Variants in CPEB1 observed in about 807,000 individuals in gnomAD.
The protein encoded by CPEB1 is cytoplasmic polyadenylation element-binding protein 1.
In CPEB1, 7 loss-of-function variants were observed where a neutral mutation model predicts 65.8. The observed-to-expected ratio is 0.11, with a 90% CI of 0.06 to 0.20. The LOEUF (loss-of-function observed/expected upper bound fraction) is 0.20, where lower values mean the gene tolerates loss of function less well. Ranked by LOEUF, CPEB1 falls within the 10% of genes least tolerant of loss-of-function variation. The pLI, the probability that CPEB1 is intolerant of heterozygous loss-of-function variation, is 1.00. For synonymous variants in CPEB1, 262 were observed against 260.0 expected (o/e 1.01, Z -0.08); for missense variants, 551 against 712.2 (o/e 0.77, Z 2.58).
chr15:82,598,368 C>A (rs1421681524), intron 3 of CPEB1, among the ~76,000 whole-genome samples: 1 of 151,994 alleles, frequency 6.6e-6, no homozygotes, highest in Non-Finnish European at 1.5e-5. Flanking sequence ...GTGGCGCACA[C>A]CTGTAATCCC....
chr15:82,573,234 A>T, intron 3 of CPEB1: 5 of 1,152,910 alleles, frequency 4.3e-6, no homozygotes, highest in Non-Finnish European at 5.7e-6. Flanking sequence ...TCCTTTGGAG[A>T]TTTTTTTTTT....
chr15:82,642,982 T>C (rs1266034089), intron 1 of CPEB1, among the ~76,000 whole-genome samples: 3 of 152,046 alleles, frequency 2.0e-5, no homozygotes, highest in African/African-American at 4.8e-5. Context: ...CTTTAGAAAA[T>C]AATCATTTAG....
intron 3 of CPEB1, among the ~76,000 whole-genome samples, chr15:82,617,976 G>A (rs938101992): frequency 6.0e-5 from 9 of 151,246 alleles, no homozygotes; most frequent in Admixed American, 2.0e-4. Context: ...CTCGTGATCC[G>A]CCCGCCTCGG....
At chr15:82,553,808 C>G in intron 7 of CPEB1, 70 bp downstream of exon 7, 1 of 1,152,748 alleles carries the variant, frequency 8.7e-7, no homozygotes, top group African/African-American at 1.5e-5. Context: ...GGCCTCAATT[C>G]CAAGTTTCAT....
At position 82,580,768 on chromosome 15, in the gene CPEB1, A is replaced by G. The variant is rs142746809; in HGVS notation, c.272-9236T>C. On this transcript the variant is annotated intron_variant, in intron 3 of 12. Transcript: ENST00000684509. Reference sequence around the variant, plus strand: ...GGGACCTTGTAAGTGGAATTATACAATATTTTTCCTTTGTATCAGGCTTAT... The same window carrying G: ...GGGACCTTGTAAGTGGAATTATACAGTATTTTTCCTTTGTATCAGGCTTAT... Among the ~76,000 whole-genome samples, 1,010 of 151,840 alleles carry G rather than the reference A, an allele frequency of 6.7e-3. 10 individuals are homozygous for G. The highest frequency in any genetic ancestry group is 0.023 in the African/African-American group (942 of 41,378).
At chr15:82,613,180 A>T (rs2044344365) in intron 3 of CPEB1, among the ~76,000 whole-genome samples, 1 of 152,248 alleles carries the variant, frequency 6.6e-6, no homozygotes, top group South Asian at 2.1e-4. Flanking sequence ...TACAAATGAA[A>T]TCCAAACAAT....
At chr15:82,601,631 T>C (rs2043127031) in intron 3 of CPEB1, among the ~76,000 whole-genome samples, 1 of 152,206 alleles carries the variant, frequency 6.6e-6, no homozygotes, top group African/African-American at 2.4e-5. Context: ...AACTATATGC[T>C]GCTTTCCAGG....
chr15:82,585,968 A>G (rs565610719), intron 3 of CPEB1, among the ~76,000 whole-genome samples: 2 of 140,230 alleles, frequency 1.4e-5, no homozygotes, highest in Non-Finnish European at 3.0e-5. Context: ...ATAAGTGAAG[A>G]AAAAAAAAAA....
intron 3 of CPEB1, among the ~76,000 whole-genome samples, chr15:82,608,826 T>C (rs2043868954): frequency 6.6e-6 from 1 of 152,206 alleles, no homozygotes; most frequent in Non-Finnish European, 1.5e-5. Flanking sequence ...AAGGAAACTG[T>C]ATACTTGAAC....
intron 10 of CPEB1, chr15:82,548,716 C>A (rs1243414466): frequency 8.8e-6 from 4 of 455,734 alleles, no homozygotes; most frequent in Non-Finnish European, 4.4e-6. Flanking sequence ...TGCCAAGTTC[C>A]TCCTCCGCTC....
chr15:82,555,263 C>T (rs1032052438), intron 6 of CPEB1, among the ~76,000 whole-genome samples: 5 of 152,254 alleles, frequency 3.3e-5, no homozygotes, highest in Non-Finnish European at 2.9e-5. Context: ...AGCCATCCTG[C>T]TGCCTCTGCT....
chr15:82,616,400 GA>G (rs1317489242), intron 3 of CPEB1, among the ~76,000 whole-genome samples: 2 of 152,162 alleles, frequency 1.3e-5, no homozygotes, highest in Admixed American at 1.3e-4. Flanking sequence ...GGAAAATGAG[GA>G]AAAGAGTACA....
At chr15:82,647,971 A>G, upstream of CPEB1, 2 of 939,170 alleles carry the variant, frequency 2.1e-6, no homozygotes, top group Non-Finnish European at 2.8e-6. Context: ...GGCCGCGCGC[A>G]GCCCCGCACC....
intron 3 of CPEB1, among the ~76,000 whole-genome samples, chr15:82,617,409 C>G (rs147099550): frequency 2.7e-4 from 41 of 152,072 alleles, no homozygotes; most frequent in Non-Finnish European, 2.9e-5. Context: ...TGAGTGTGAC[C>G]AACACTACTC....
intron 3 of CPEB1, among the ~76,000 whole-genome samples, chr15:82,575,765 T>C (rs2040580697): frequency 6.6e-6 from 1 of 152,096 alleles, no homozygotes. Flanking sequence ...ATGGCTAAAA[T>C]TTAAAAGACT....
chr15:82,616,191 T>C (rs1013947269), intron 3 of CPEB1, among the ~76,000 whole-genome samples: 63 of 152,122 alleles, frequency 4.1e-4, no homozygotes, highest in African/African-American at 1.4e-3. Context: ...TATATCATTC[T>C]ATTTCTTGAT....
At chr15:82,629,156 G>T in intron 1 of CPEB1, 2 of 487,194 alleles carry the variant, frequency 4.1e-6, no homozygotes, top group Non-Finnish European at 5.3e-6. Flanking sequence ...TTTATTGGCT[G>T]TGTGATATCA....
intron 2 of CPEB1, 97 bp downstream of exon 2, chr15:82,628,267 C>T: frequency 2.8e-6 from 2 of 702,662 alleles, no homozygotes; most frequent in Non-Finnish European, 5.2e-6. Flanking sequence ...AGAGCCAATA[C>T]AGGAAATCAT....
chr15:82,570,409 T>G (rs2039843316), intron 4 of CPEB1, among the ~76,000 whole-genome samples: 1 of 133,494 alleles, frequency 7.5e-6, no homozygotes, highest in African/African-American at 2.8e-5. Flanking sequence ...CACCTTTTCA[T>G]TTTCCTAGAG....
Sources: gnomAD v4.1 joint callset for allele counts (sites outside exome capture counted in the v4.1 genomes callset) on GRCh38, gnomAD v4.1.1 for gene constraint, MANE v1.5 for transcripts, NCBI Gene and HGNC (gene_info 2026-07-23, HGNC 2026-07-21) for gene names.